ADAMTSL1: variants seen among roughly 807,000 people sequenced by gnomAD.
The protein encoded by ADAMTSL1 is ADAMTS like 1.
ADAMTSL1 carries 126 observed loss-of-function variants against 201.8 expected under a neutral mutation model. That is an observed-to-expected ratio of 0.62 (90% CI 0.54 to 0.72). ADAMTSL1 has a LOEUF of 0.72. Among genes scored for constraint, ADAMTSL1 ranks in the 30% least tolerant of loss-of-function variants. The pLI is 0.00. For synonymous variants in ADAMTSL1, 1,121 were observed against 903.4 expected, an observed-to-expected ratio of 1.24 and a Z score of -4.32; for missense variants, 2,679 against 2,277.8, an observed-to-expected ratio of 1.18 and a Z score of -3.59.
chr9:18,693,951 T>C lies in ADAMTSL1; in HGVS notation c.1574+9151T>C, dbSNP rs527596557. ...CAATTTATAAGTAAAAGAGGTTTCA[T>C]TGACTCACAGTTCCACAGGCTGTGC... On this transcript the variant is annotated intron_variant, in intron 13 of 28. Transcript: ENST00000380548. Among the ~76,000 whole-genome samples the C allele has an allele frequency of 2.6e-5, 4 of 152,282 alleles. No individual in the cohort carries two copies. The East Asian group carries it at 5.8e-4, about 22-fold the overall frequency.
At chr9:18,328,355 T>C (rs1192964118) in intron 2 of ADAMTSL1, among the ~76,000 whole-genome samples, 1 of 152,226 alleles carries the variant, frequency 6.6e-6, no homozygotes, top group African/African-American at 2.4e-5. Context: ...TTGTCTCTTT[T>C]TCTATATTCA....
At chr9:18,589,186 A>G (rs185222016) in intron 4 of ADAMTSL1, among the ~76,000 whole-genome samples, 9 of 152,106 alleles carry the variant, frequency 5.9e-5, no homozygotes, top group African/African-American at 2.2e-4. Flanking sequence ...CTTGTTAACA[A>G]TATTAATTCT....
intron 2 of ADAMTSL1, among the ~76,000 whole-genome samples, chr9:18,235,520 G>T (rs796258273): frequency 6.6e-6 from 1 of 152,106 alleles, no homozygotes; most frequent in Non-Finnish European, 1.5e-5. Context: ...GAGCTGCCCT[G>T]CTATACCTAC....
intron 1 of ADAMTSL1, among the ~76,000 whole-genome samples, chr9:18,069,179 A>G (rs1444088766): frequency 6.6e-6 from 1 of 152,200 alleles, no homozygotes; most frequent in African/African-American, 2.4e-5. Context: ...AGTGTAACAT[A>G]CACACCATAT....
chr9:18,464,986 TAATC>T (rs1820948558), intron 2 of ADAMTSL1, among the ~76,000 whole-genome samples: 1 of 152,170 alleles, frequency 6.6e-6, no homozygotes, highest in Non-Finnish European at 1.5e-5. Context: ...TAAAACATAA[TAATC>T]AACAACATAT....
At chr9:18,644,087 T>C (rs1357873093) in intron 7 of ADAMTSL1, among the ~76,000 whole-genome samples, 1 of 152,032 alleles carries the variant, frequency 6.6e-6, no homozygotes, top group Non-Finnish European at 1.5e-5. Flanking sequence ...TGTCTTTCAC[T>C]TTCTTGATTA....
intron 14 of ADAMTSL1, among the ~76,000 whole-genome samples, chr9:18,711,817 G>A (rs1295342446): frequency 1.3e-5 from 2 of 151,970 alleles, no homozygotes; most frequent in Non-Finnish European, 2.9e-5. Flanking sequence ...CAAAAAGACA[G>A]CAGTAACCTC....
chr9:18,011,503 G>T (rs1365781799), intron 1 of ADAMTSL1, among the ~76,000 whole-genome samples: 5 of 151,984 alleles, frequency 3.3e-5, no homozygotes, highest in Non-Finnish European at 7.4e-5. Flanking sequence ...TGATGCTGAG[G>T]TTCTCAGAAT....
At position 18,182,571 on chromosome 9, in the gene ADAMTSL1, C is replaced by A. The variant is rs529031927; in HGVS notation, c.207+18590C>A. On this transcript the variant is annotated intron_variant, in intron 2 of 29. Coordinates refer to the ADAMTSL1 transcript ENST00000680146. ...CCACAGTAATACTTTATGCCTGATG[C>A]TGGCCTGTAAGGCAAAGTGAGAGAT... 3.0e-4 allele frequency among the ~76,000 whole-genome samples: 45 copies of A among 152,312 alleles called. No homozygotes were observed. In the South Asian group the frequency reaches 9.1e-3, roughly 31 times the overall value.
intron 1 of ADAMTSL1, among the ~76,000 whole-genome samples, chr9:17,966,043 G>A (rs937241903): frequency 6.6e-6 from 1 of 152,170 alleles, no homozygotes. Context: ...TACCAGTGCA[G>A]TGGAATAAAA....
intron 2 of ADAMTSL1, among the ~76,000 whole-genome samples, chr9:18,391,179 C>G (rs1838030378): frequency 6.6e-6 from 1 of 152,122 alleles, no homozygotes; most frequent in Non-Finnish European, 1.5e-5. Context: ...ACTGGGGACA[C>G]TTTTGATACC....
intron 2 of ADAMTSL1, among the ~76,000 whole-genome samples, chr9:18,265,714 A>C (rs1225100473): frequency 6.6e-6 from 1 of 152,220 alleles, no homozygotes; most frequent in Non-Finnish European, 1.5e-5. Flanking sequence ...TTTTGCCAAA[A>C]ATGTCTTTTA....
intron 1 of ADAMTSL1, among the ~76,000 whole-genome samples, chr9:18,147,121 A>G (rs972921870): frequency 2.6e-5 from 4 of 152,238 alleles, no homozygotes; most frequent in East Asian, 1.9e-4. Context: ...TCAAATTCCA[A>G]TTCTACCATT....
At chr9:18,767,467 G>A (rs909090262) in intron 16 of ADAMTSL1, among the ~76,000 whole-genome samples, 3 of 152,138 alleles carry the variant, frequency 2.0e-5, no homozygotes, top group African/African-American at 7.2e-5. Flanking sequence ...TCTGATTATA[G>A]TATAACTTGT....
intron 16 of ADAMTSL1, among the ~76,000 whole-genome samples, chr9:18,765,901 C>T (rs1455791049): frequency 1.3e-5 from 2 of 152,134 alleles, no homozygotes; most frequent in African/African-American, 4.8e-5. Flanking sequence ...TAGGGATGGC[C>T]TCTCCACACA....
chr9:18,254,156 A>G (rs1831576727), intron 2 of ADAMTSL1, among the ~76,000 whole-genome samples: 1 of 152,012 alleles, frequency 6.6e-6, no homozygotes, highest in East Asian at 1.9e-4. Context: ...CCTCCCCTGT[A>G]GGATGGGAGA....
chr9:18,416,671 C>T (rs1427106502), intron 2 of ADAMTSL1, among the ~76,000 whole-genome samples: 1 of 151,882 alleles, frequency 6.6e-6, no homozygotes, highest in Non-Finnish European at 1.5e-5. Context: ...AGAATCACAC[C>T]AGGAATAAAG....
At chr9:18,042,737 C>A (rs1331018198) in intron 1 of ADAMTSL1, among the ~76,000 whole-genome samples, 1 of 152,110 alleles carries the variant, frequency 6.6e-6, no homozygotes, top group East Asian at 1.9e-4. Context: ...CTCATGAAAG[C>A]CTGAGTTATA....
chr9:18,602,135 A>T (rs561948705), intron 4 of ADAMTSL1, among the ~76,000 whole-genome samples: 1 of 152,210 alleles, frequency 6.6e-6, no homozygotes, highest in Non-Finnish European at 1.5e-5. Context: ...CCTACTGCCT[A>T]TGAGAAGGTA....
Sources: gnomAD v4.1 joint callset for allele counts (sites outside exome capture counted in the v4.1 genomes callset) on GRCh38, gnomAD v4.1.1 for gene constraint, MANE v1.5 for transcripts, NCBI Gene and HGNC (gene_info 2026-07-23, HGNC 2026-07-21) for gene names.